ATP8B2: variants seen among roughly 807,000 people sequenced by gnomAD.
ATP8B2 encodes ATPase phospholipid transporting 8B2.
A neutral mutation model predicts 133.4 loss-of-function variants in ATP8B2; 70 were observed. The ratio of observed to expected loss-of-function variants is 0.52; its 90% CI spans 0.43 to 0.64. The LOEUF (loss-of-function observed/expected upper bound fraction) is 0.64. ATP8B2 is among the 30% of genes least tolerant of loss of function. The probability of loss-of-function intolerance (pLI) is 0.00; values close to 1 mark genes in which losing one functional copy is unlikely to be tolerated. For synonymous variants in ATP8B2, 517 were observed against 589.5 expected, an observed-to-expected ratio of 0.88 and a Z score of 1.78; for missense variants, 1,101 against 1,535.7, an observed-to-expected ratio of 0.72 and a Z score of 4.73.
chr1:154,347,943 A>C (rs1409294494), intron 26 of ATP8B2, among the ~76,000 whole-genome samples: 1 of 151,958 alleles, frequency 6.6e-6, no homozygotes, highest in Non-Finnish European at 1.5e-5. Context: ...TGTCTCAAAA[A>C]AAAAAAAAAA....
Position 154,343,044 on chromosome 1 carries a change from G to A in ATP8B2, c.1454-69G>A, listed in dbSNP as rs1022587179. 3 of 1,595,134 alleles carry A rather than the reference G, an allele frequency of 1.9e-6. No homozygotes were observed. Among genetic ancestry groups the A allele is most frequent in the Non-Finnish European group, 1.7e-6 (2 of 1,169,374 alleles). On this transcript the variant is annotated intron_variant, in intron 15 of 27. Transcript: ENST00000368489. This position sits in a 1 kb window ranked among gnomAD's most constrained non-coding sequence, Gnocchi z 5.8. ...CTGCTCTGCAATGCGGCTGGGCTGG[G>A]GCTTCCTGGGCGGGGCACGTGGCTG... is the stretch of plus-strand genomic sequence containing the variant.
chr1:154,346,141 G>C lies in ATP8B2; in HGVS notation c.2779-90G>C, dbSNP rs1686573689. 2 of 1,531,130 alleles carry C rather than the reference G, an allele frequency of 1.3e-6. No individual in the cohort carries two copies. The highest frequency in any genetic ancestry group is 1.8e-6 in the Non-Finnish European group (2 of 1,126,696). The allele number at this position is 1,531,130 out of a possible 1,614,324, so 94.8% of individuals were successfully genotyped here. ...TGCCAAAGACTTTGGAAAGGAGGAG[G>C]CAGGGACAGAGTCAGAGTCTGCCCT... is the stretch of plus-strand genomic sequence containing the variant. On this transcript the variant is annotated intron_variant, in intron 24 of 27. Coordinates refer to ENST00000368489, the MANE Select transcript of ATP8B2 (RefSeq NM_001370597.1). This position sits in a 1 kb window ranked among gnomAD's most constrained non-coding sequence, Gnocchi z 4.5.
chr1:154,325,573 C>A lies in ATP8B2; in HGVS notation c.-167C>A, dbSNP rs1685756311. The A allele has an allele frequency of 6.6e-6, 1 of 152,094 alleles. No individual in the cohort carries two copies. The highest frequency in any genetic ancestry group is 1.5e-5 in the Non-Finnish European group (1 of 67,984). 9.4% of individuals were successfully genotyped at this position (152,094 alleles called of 1,614,324 possible). A position where few individuals can be genotyped will look rare whatever the true frequency, so the allele number is the denominator to read the frequency against. The stretch of plus-strand genomic sequence containing the variant: ...ACTGACACAAAGTAGCGGGCCGAGG[C>A]CCCGGGGGAGCGGGGCCGCAGCTGG... On this transcript the variant is annotated 5_prime_UTR_variant, in exon 1 of 28. Transcript: ENST00000368489.
rs1002226705 is a variant in ATP8B2 at position 154,345,026 on chromosome 1, G to C, written c.2342G>C (p.Cys781Ser). Reference protein sequence around the residue: ...ELEFLETACACKAVICCRVTP... With the variant: ...ELEFLETACASKAVICCRVTP... ...GAGTTTCTGGAGACAGCGTGTGCCT[G>C]CAAAGCTGTCATCTGCTGCCGGGTG... Residue 781 changes from cysteine (C) to serine (S), a missense_variant, in exon 22 of 28, where the codon TGC (cysteine) becomes TCC (serine). Cys to Ser is a moderately radical substitution (Grantham distance 112). Transcript: ENST00000368489. This position sits in a 1 kb window ranked among gnomAD's most constrained non-coding sequence, Gnocchi z 5.6. 1 of 1,614,168 alleles carries C rather than the reference G, an allele frequency of 6.2e-7. No individual in the cohort carries two copies. The highest frequency in any genetic ancestry group is 1.7e-5 in the Admixed American group (1 of 60,024).
At chr1:154,341,102 C>G in intron 13 of ATP8B2, 40 bp downstream of exon 13, 1 of 1,605,090 alleles carries the variant, frequency 6.2e-7, no homozygotes, top group Non-Finnish European at 8.5e-7. Flanking sequence ...TTGCACCTCG[C>G]CTGGAAGGAC....
chr1:154,331,370 T>C lies in ATP8B2; in HGVS notation c.304-74T>C. The C allele has an allele frequency of 6.6e-7, 1 of 1,509,446 alleles. No individual in the cohort carries two copies. The highest frequency in any genetic ancestry group is 9.2e-7 in the Non-Finnish European group (1 of 1,087,162). 93.5% of individuals were successfully genotyped at this position (1,509,446 alleles called of 1,614,324 possible). A position where few individuals can be genotyped will look rare whatever the true frequency, so the allele number is the denominator to read the frequency against. On this transcript the variant is annotated intron_variant, in intron 5 of 27. Coordinates refer to ENST00000368489, the MANE Select transcript of ATP8B2 (RefSeq NM_001370597.1). This position sits in a 1 kb window ranked among gnomAD's most constrained non-coding sequence, Gnocchi z 4.8. Reference sequence around the variant, plus strand: ...GTGTATGAGGCGTTAACCAGCATGCTCTGAGTTCTACTGATCAACGAATTC... The same window carrying C: ...GTGTATGAGGCGTTAACCAGCATGCCCTGAGTTCTACTGATCAACGAATTC...
chr1:154,347,930 C>T lies in ATP8B2; in HGVS notation c.3164-478C>T, dbSNP rs566460067. Among the ~76,000 whole-genome samples the T allele has an allele frequency of 5.4e-5, 6 of 111,346 alleles. No individual in the cohort carries two copies. In the East Asian group the frequency reaches 1.6e-3, roughly 31 times the overall value. The allele number at this position is 111,346 out of a possible 152,430, so 73.0% of individuals were successfully genotyped here. On this transcript the variant is annotated intron_variant, in intron 26 of 27. Coordinates refer to ENST00000368489, the MANE Select transcript of ATP8B2 (RefSeq NM_001370597.1). ...CACTCCAGCCTGGGCAAGAGCAAAA[C>T]TCTGTCTCAAAAAAAAAAAAAAAAA...
rs1346437481 is a variant in ATP8B2, at chr1:154,328,515, C to T, written c.31+343C>T. On this transcript the variant is annotated intron_variant, in intron 2 of 27. Coordinates refer to ENST00000368489, the MANE Select transcript of ATP8B2 (RefSeq NM_001370597.1). This position sits in a 1 kb window ranked among gnomAD's most constrained non-coding sequence, Gnocchi z 4.6. Reference sequence around the variant, plus strand: ...CTGCTCCCCTCGTTTTTCCATCTACCGGTTCTCCTGGTTTTTCCGCGGGCG... The same window carrying T: ...CTGCTCCCCTCGTTTTTCCATCTACTGGTTCTCCTGGTTTTTCCGCGGGCG... Among the ~76,000 whole-genome samples, 2 of 152,164 alleles carry T rather than the reference C, an allele frequency of 1.3e-5. No homozygotes were observed. The highest frequency in any genetic ancestry group is 1.9e-4 in the East Asian group (1 of 5,184).
Position 154,344,765 on chromosome 1 carries a change from GT to G in ATP8B2, c.2267del (p.Val756AlafsTer2). The G allele has an allele frequency of 6.2e-7, 1 of 1,602,150 alleles. No individual in the cohort carries two copies. Among genetic ancestry groups the G allele is most frequent in the Non-Finnish European group, 8.5e-7 (1 of 1,170,232 alleles). On this transcript the variant is annotated frameshift_variant, in exon 21 of 28. Coordinates refer to ENST00000368489, the MANE Select transcript of ATP8B2 (RefSeq NM_001370597.1). LOFTEE classifies it high-confidence loss of function. The surrounding 1 kb of genome is among the most constrained non-coding windows in gnomAD (Gnocchi z 4.1). ...GGCCGTTGCTGGGGAGTACGCCCTG[GT>G]CATAAATGGTCACAGCCTGGTAGGC... ...LEAVAGEYALVINGHSLAHAL... is the reference protein window; with the variant it reads ...LEAVAGEYALXINGHSLAHAL...
Position 154,340,816 on chromosome 1 carries a change from CT to C in ATP8B2, c.1035-36del. The C allele has an allele frequency of 6.2e-7, 1 of 1,604,452 alleles. No homozygotes were observed. Among genetic ancestry groups the C allele is most frequent in the South Asian group, 1.1e-5 (1 of 90,830 alleles). ...CCATGTGGGTGGGGCACCTCCTCTT[CT>C]TCCCGACCCAAGCCTCACCTCTTGT... is the stretch of plus-strand genomic sequence containing the variant. On this transcript the variant is annotated intron_variant, in intron 12 of 27. Transcript: ENST00000368489. The surrounding 1 kb of genome is among the most constrained non-coding windows in gnomAD (Gnocchi z 4.0).
chr1:154,343,438 C>T lies in ATP8B2; in HGVS notation c.1643-15C>T, dbSNP rs1017126003. 2 of 1,612,958 alleles carry T rather than the reference C, an allele frequency of 1.2e-6. No individual in the cohort carries two copies. Among genetic ancestry groups the T allele is most frequent in the Non-Finnish European group, 1.7e-6 (2 of 1,179,066 alleles). ...TGAATTTTTCTGGCACTTTCTTCAC[C>T]TGCCCCATTCATAGTGCGGAATCCA... is the stretch of plus-strand genomic sequence containing the variant. On this transcript the variant is annotated splice_polypyrimidine_tract_variant and intron_variant, in intron 16 of 27. Coordinates refer to ENST00000368489, the MANE Select transcript of ATP8B2 (RefSeq NM_001370597.1). This position sits in a 1 kb window ranked among gnomAD's most constrained non-coding sequence, Gnocchi z 5.8.
chr1:154,346,006 G>A lies in ATP8B2; in HGVS notation c.2778+123G>A, dbSNP rs947905717. The A allele has an allele frequency of 1.8e-6, 2 of 1,130,828 alleles. No homozygotes were observed. Among genetic ancestry groups the A allele is most frequent in the African/African-American group, 1.5e-5 (1 of 65,236 alleles). 70.0% of individuals were successfully genotyped at this position (1,130,828 alleles called of 1,614,324 possible). A position where few individuals can be genotyped will look rare whatever the true frequency, so the allele number is the denominator to read the frequency against. ...GGCCACTGGGAAGGCAGTTCTTTCA[G>A]CCGGGGAAGGTGTGGCTGGTTCTCC... On this transcript the variant is annotated intron_variant, in intron 24 of 27. Transcript: ENST00000368489. This position sits in a 1 kb window ranked among gnomAD's most constrained non-coding sequence, Gnocchi z 4.5.
In ATP8B2 at chr1:154,344,491, A is replaced by G. The variant is rs779322999; in HGVS notation, c.2132A>G (p.Glu711Gly). The G allele has an allele frequency of 9.3e-6, 15 of 1,614,030 alleles. No individual in the cohort carries two copies. Among genetic ancestry groups the G allele is most frequent in the Non-Finnish European group, 1.3e-5 (15 of 1,179,996 alleles). ...GGCCATACTGTCCTGGAGGTGCGGG[A>G]GGAGCTCAGGTAAACAAGAAGCCCA... ...VTGHTVLEVR[E>G]ELRKAREKMM... The change falls in exon 20 of 28, where the codon GAG becomes GGG. Residue 711 changes from glutamate to glycine, a missense_variant. Physicochemically the swap from Glu to Gly is moderately conservative, Grantham distance 98 (BLOSUM62 -2). Transcript: ENST00000368489. This position sits in a 1 kb window ranked among gnomAD's most constrained non-coding sequence, Gnocchi z 4.1.
intron 3 of ATP8B2, 44 bp downstream of exon 3, chr1:154,330,498 G>C: frequency 6.3e-7 from 1 of 1,598,240 alleles, no homozygotes; most frequent in Non-Finnish European, 8.6e-7. Context: ...TGTTTGGAGA[G>C]GGGAATGGGG....
In ATP8B2 at chr1:154,340,450, G is replaced by A; in HGVS notation, c.1035-404G>A. 1 of 208,226 alleles carries A rather than the reference G, an allele frequency of 4.8e-6. No individual in the cohort carries two copies. The highest frequency in any genetic ancestry group is 9.5e-5 in the South Asian group (1 of 10,534). The allele number at this position is 208,226 out of a possible 1,614,324, so 12.9% of individuals were successfully genotyped here. On this transcript the variant is annotated intron_variant, in intron 12 of 27. Transcript: ENST00000368489. This position sits in a 1 kb window ranked among gnomAD's most constrained non-coding sequence, Gnocchi z 4.0. ...CGTCTGTGTTGCTGTGGCATGCACA[G>A]CACCCTCATTATTTCTCTCTCTCTT...
rs148765497 is a variant in ATP8B2, at chr1:154,351,122, T to TTTTA, written c.*2005_*2006insTTAT. On this transcript the variant is annotated 3_prime_UTR_variant, in exon 28 of 28. Transcript: ENST00000368489. ...ATATTATATAAATATATATATACAG[T>TTTTA]TATATATATATATATTATTTTTTGG... 1.2e-4 allele frequency: 18 copies of TTTTA among 147,168 alleles called. No homozygotes were observed. The highest frequency in any genetic ancestry group is 3.0e-5 in the Non-Finnish European group (2 of 66,898). 9.1% of individuals were successfully genotyped at this position (147,168 alleles called of 1,614,324 possible). A position where few individuals can be genotyped will look rare whatever the true frequency, so the allele number is the denominator to read the frequency against.
In ATP8B2 at chr1:154,345,620, C is replaced by T. The variant is rs1686555912; in HGVS notation, c.2694+75C>T. 5 of 1,406,066 alleles carry T rather than the reference C, an allele frequency of 3.6e-6. No individual in the cohort carries two copies. Among genetic ancestry groups the T allele is most frequent in the Admixed American group, 1.9e-5 (1 of 53,796 alleles). The allele number at this position is 1,406,066 out of a possible 1,614,324, so 87.1% of individuals were successfully genotyped here. A position where few individuals can be genotyped will look rare whatever the true frequency, so the allele number is the denominator to read the frequency against. On this transcript the variant is annotated intron_variant, in intron 23 of 27. Transcript: ENST00000368489. This position sits in a 1 kb window ranked among gnomAD's most constrained non-coding sequence, Gnocchi z 5.6. ...CAGAGGTTCTGTCTTGTTTATCACT[C>T]AGTCCCCCAGGGCCTAGCTATTTTC... is the stretch of plus-strand genomic sequence containing the variant.
chr1:154,346,244 A>G lies in ATP8B2; in HGVS notation c.2792A>G (p.Gln931Arg), dbSNP rs760056863. ...MGVFDQDVPEQRSMEYPKLYE... is the reference protein window; with the variant it reads ...MGVFDQDVPERRSMEYPKLYE... Reference sequence around the variant, plus strand: ...CCTCCCACACAGGATGTCCCCGAGCAGCGGAGCATGGAGTACCCTAAGCTG... The same window carrying G: ...CCTCCCACACAGGATGTCCCCGAGCGGCGGAGCATGGAGTACCCTAAGCTG... The change falls in exon 25 of 28, where the codon CAG becomes CGG. Residue 931 changes from glutamine to arginine, a missense_variant. Coordinates refer to ENST00000368489, the MANE Select transcript of ATP8B2 (RefSeq NM_001370597.1). This position sits in a 1 kb window ranked among gnomAD's most constrained non-coding sequence, Gnocchi z 4.5. 1 of 1,613,934 alleles carries G rather than the reference A, an allele frequency of 6.2e-7. No individual in the cohort carries two copies. Among genetic ancestry groups the G allele is most frequent in the Non-Finnish European group, 8.5e-7 (1 of 1,180,012 alleles).
intron 2 of ATP8B2, among the ~76,000 whole-genome samples, chr1:154,329,308 G>A (rs1685902966): frequency 6.6e-6 from 1 of 152,186 alleles, no homozygotes; most frequent in Non-Finnish European, 1.5e-5. Context: ...GAGTGAAGTG[G>A]CTTGGTAGGC....
Sources: gnomAD v4.1 joint callset for allele counts (sites outside exome capture counted in the v4.1 genomes callset) on GRCh38, gnomAD v4.1.1 for gene constraint, Gnocchi (gnomAD v3.1) non-coding constraint, MANE v1.5 for transcripts, NCBI Gene and HGNC (gene_info 2026-07-23, HGNC 2026-07-21) for gene names.